Variants in MYO9B observed in about 807,000 individuals in gnomAD.
MYO9B encodes the protein unconventional myosin-IXb.
MYO9B carries 71 observed loss-of-function variants against 229.5 expected under a neutral mutation model. The observed-to-expected ratio is 0.31, with a 90% CI of 0.26 to 0.38. The LOEUF (loss-of-function observed/expected upper bound fraction) is 0.38, where lower values mean the gene tolerates loss of function less well. MYO9B is among the 10% of genes least tolerant of loss of function. MYO9B has a pLI of 1.00. For synonymous variants in MYO9B, 1,185 were observed against 1,235.8 expected, an observed-to-expected ratio of 0.96 and a Z score of 0.86; for missense variants, 2,255 against 2,920.5, an observed-to-expected ratio of 0.77 and a Z score of 5.25.
At chr19:17,139,388 G>A (rs529599286) in intron 2 of MYO9B, among the ~76,000 whole-genome samples, 32 of 152,230 alleles carry the variant, frequency 2.1e-4, no homozygotes, top group South Asian at 6.2e-4. Flanking sequence ...GGTCGAGGCC[G>A]CAGTGAGCCA....
At position 17,101,347 on chromosome 19, in the gene MYO9B, T is replaced by C. The variant is rs989243195; in HGVS notation, c.-58-313T>C. On this transcript the variant is annotated intron_variant, in intron 1 of 39. Coordinates refer to ENST00000682292, the MANE Select transcript of MYO9B (RefSeq NM_004145.4). This position sits in a 1 kb window ranked among gnomAD's most constrained non-coding sequence, Gnocchi z 4.7. Reference sequence around the variant, plus strand: ...CGAGCACCACTATGCCTTTATTTTTTGTAGAGACGGGGTCTCGCTATGTTG... The same window carrying C: ...CGAGCACCACTATGCCTTTATTTTTCGTAGAGACGGGGTCTCGCTATGTTG... Among the ~76,000 whole-genome samples, 1 of 151,846 alleles carries C rather than the reference T, an allele frequency of 6.6e-6. No individual in the cohort carries two copies. Among genetic ancestry groups the C allele is most frequent in the Admixed American group, 6.6e-5 (1 of 15,234 alleles).
In MYO9B at chr19:17,184,869, T is replaced by C; in HGVS notation, c.2378T>C (p.Leu793Pro). ...IKQKQIIPKN[L>P]LDSKSLKLII... is the part of the protein sequence containing the mutation. ...GACCCCATGTGTCTGTCCTAGAACC[T>C]ACTGGACTCCAAGTCCCTGAAACTC... The change falls in exon 17 of 40, where the codon CTA becomes CCA. Residue 793 changes from leucine to proline, a missense_variant. Leu to Pro is a moderately conservative substitution (Grantham distance 98). Around this residue, in one of 7 missense-constraint regions of MYO9B, gnomAD observed 155 missense variants for 159.1 expected, o/e 0.97. Transcript: ENST00000682292. 6.2e-7 allele frequency: 1 copy of C among 1,613,758 alleles called. No homozygotes were observed. Among genetic ancestry groups the C allele is most frequent in the South Asian group, 1.1e-5 (1 of 91,086 alleles).
In MYO9B at chr19:17,154,326, G is replaced by T. The variant is rs776299905; in HGVS notation, c.1110G>T (p.Lys370Asn). The T allele has an allele frequency of 6.2e-7, 1 of 1,612,196 alleles. No homozygotes were observed. Among genetic ancestry groups the T allele is most frequent in the East Asian group, 2.2e-5 (1 of 44,824 alleles). ...CCTTTGTTTTCCAGCATAACTTGAA[G>T]ATTGAAGATGGGGAGGACCTGAAGC... The part of the protein sequence containing the change: ...DYFYLNQHNL[K>N]IEDGEDLKHD... Residue 370 changes from lysine (K) to asparagine (N), a missense_variant, in exon 6 of 40, where the codon AAG (lysine) becomes AAT (asparagine). Transcript: ENST00000682292.
At chr19:17,188,076 C>T (rs1187162601) in intron 19 of MYO9B, 31 bp downstream of exon 19, 4 of 1,529,690 alleles carry the variant, frequency 2.6e-6, no homozygotes, top group Non-Finnish European at 3.6e-6. Flanking sequence ...CCTGGACACA[C>T]CTGTTCCGTG....
At chr19:17,155,737 G>GC (rs1158477408) in intron 6 of MYO9B, among the ~76,000 whole-genome samples, 4 of 150,778 alleles carry the variant, frequency 2.7e-5, no homozygotes, top group African/African-American at 9.7e-5. Context: ...GGCACCTCTG[G>GC]CCCGGGCGCA....
chr19:17,096,267 C>CT (rs1255924264), intron 1 of MYO9B, among the ~76,000 whole-genome samples: 1 of 152,184 alleles, frequency 6.6e-6, no homozygotes, highest in Non-Finnish European at 1.5e-5. Flanking sequence ...ACGTCTCTGT[C>CT]TCGACATCTG....
intron 3 of MYO9B, 79 bp from the exon 4 acceptor site, chr19:17,152,565 A>C: frequency 9.6e-7 from 1 of 1,045,420 alleles, no homozygotes; most frequent in Non-Finnish European, 1.3e-6. Context: ...TCCCATCTCA[A>C]AAAAAAAAAA....
intron 5 of MYO9B, 81 bp downstream of exon 5, chr19:17,154,147 G>C (rs1360587964): frequency 5.5e-6 from 8 of 1,451,564 alleles, no homozygotes; most frequent in Middle Eastern, 1.7e-4. Flanking sequence ...GGAAGTCAGA[G>C]GCAGCCTGCC....
intron 5 of MYO9B, 95 bp downstream of exon 5, chr19:17,154,161 G>A: frequency 2.2e-6 from 3 of 1,364,972 alleles, no homozygotes; most frequent in South Asian, 1.2e-5. Context: ...GCCTGCCCTG[G>A]CCCCCGAACC....
chr19:17,119,373 C>T (rs1321419869), intron 2 of MYO9B, among the ~76,000 whole-genome samples: 1 of 152,182 alleles, frequency 6.6e-6, no homozygotes, highest in Non-Finnish European at 1.5e-5. Context: ...TTCAGCGACC[C>T]TGTGTTTCTT....
intron 6 of MYO9B, among the ~76,000 whole-genome samples, chr19:17,154,855 G>A (rs1171282374): frequency 6.6e-6 from 1 of 152,078 alleles, no homozygotes; most frequent in African/African-American, 2.4e-5. Flanking sequence ...CCAGCTACTT[G>A]TGGGGCTGAG....
chr19:17,124,228 C>T (rs2057993111), intron 2 of MYO9B, among the ~76,000 whole-genome samples: 1 of 152,088 alleles, frequency 6.6e-6, no homozygotes, highest in African/African-American at 2.4e-5. Flanking sequence ...TGTGGTGGTA[C>T]ACACTTGTAA....
chr19:17,170,035 G>T (rs950196321), intron 11 of MYO9B, among the ~76,000 whole-genome samples: 3 of 151,422 alleles, frequency 2.0e-5, no homozygotes, highest in Non-Finnish European at 4.4e-5. Context: ...TAGAGATGGG[G>T]TTTTTTCACC....
chr19:17,116,068 C>T (rs532544686), intron 2 of MYO9B, among the ~76,000 whole-genome samples: 14 of 152,242 alleles, frequency 9.2e-5, no homozygotes, highest in Non-Finnish European at 1.6e-4. Context: ...CATTTGGGAC[C>T]TGGCTAGGCT....
chr19:17,160,740 C>T (rs968826537), intron 8 of MYO9B, among the ~76,000 whole-genome samples: 12 of 151,978 alleles, frequency 7.9e-5, no homozygotes, highest in African/African-American at 2.9e-4. Context: ...GCTCCTGTTG[C>T]CCAGGCTGGA....
At chr19:17,152,101 C>T (rs565146770) in intron 3 of MYO9B, among the ~76,000 whole-genome samples, 15 of 151,136 alleles carry the variant, frequency 9.9e-5, no homozygotes, top group Middle Eastern at 3.4e-3. Context: ...GCAGGAGAAT[C>T]GCTTGAACTC....
At chr19:17,205,390 T>A in intron 31 of MYO9B, 54 bp downstream of exon 31, 1 of 1,554,572 alleles carries the variant, frequency 6.4e-7, no homozygotes, top group African/African-American at 1.4e-5. Flanking sequence ...CACGGCCAGG[T>A]GCACCAGGAG....
intron 9 of MYO9B, 83 bp from the exon 10 acceptor site, chr19:17,162,905 C>A: frequency 6.8e-7 from 1 of 1,479,960 alleles, no homozygotes; most frequent in Non-Finnish European, 9.1e-7. Context: ...CAGGTCACAG[C>A]CTGTAGAGCC....
At chr19:17,126,205 C>A (rs1352503250) in intron 2 of MYO9B, among the ~76,000 whole-genome samples, 1 of 152,198 alleles carries the variant, frequency 6.6e-6, no homozygotes, top group Non-Finnish European at 1.5e-5. Context: ...GCCTCCGCCC[C>A]CTCTGCTCCC....
Sources: allele counts gnomAD v4.1 joint callset (sites outside exome capture counted in the v4.1 genomes callset), GRCh38; gene constraint gnomAD v4.1.1; regional missense constraint gnomAD v4.1.1; non-coding constraint Gnocchi (gnomAD v3.1); transcripts MANE v1.5; gene names NCBI Gene and HGNC (gene_info 2026-07-23, HGNC 2026-07-21).